Variants in ADGRV1 observed in about 807,000 individuals in gnomAD.
The protein encoded by ADGRV1 is adhesion G protein-coupled receptor V1.
ADGRV1 carries 359 observed loss-of-function variants against 596.2 expected under a neutral mutation model. The observed-to-expected ratio is 0.60, with a 90% CI of 0.55 to 0.66. The LOEUF is 0.66. Ranked by LOEUF, ADGRV1 falls within the 30% of genes least tolerant of loss-of-function variation. The probability of loss-of-function intolerance (pLI) is 0.00; values close to 1 mark genes in which losing one functional copy is unlikely to be tolerated. For missense variants in ADGRV1, 7,274 were observed against 7,575.6 expected (o/e 0.96, Z 1.48); for synonymous variants, 2,681 against 2,679.2 (o/e 1.00, Z -0.02).
At chr5:90,945,280 A>G (rs1776477923) in intron 83 of ADGRV1, among the ~76,000 whole-genome samples, 1 of 151,912 alleles carries the variant, frequency 6.6e-6, no homozygotes, top group African/African-American at 2.4e-5. Flanking sequence ...TTAATATTCT[A>G]AACTGGTTAC....
chr5:91,061,862 A>G (rs1262276670), intron 85 of ADGRV1, among the ~76,000 whole-genome samples: 1 of 152,254 alleles, frequency 6.6e-6, no homozygotes, highest in Non-Finnish European at 1.5e-5. Flanking sequence ...TGTTGTTTAA[A>G]GAATAGTTGT....
At chr5:91,091,708 C>T (rs1250243535) in intron 86 of ADGRV1, 1 of 152,002 alleles carries the variant, frequency 6.6e-6, no homozygotes, top group Non-Finnish European at 1.5e-5. Flanking sequence ...GTGTAGATTT[C>T]AGTTTTAGTT....
chr5:91,004,816 G>C (rs369568857), intron 85 of ADGRV1, among the ~76,000 whole-genome samples: 97 of 152,264 alleles, frequency 6.4e-4, no homozygotes, highest in African/African-American at 2.2e-3. Flanking sequence ...GAGGGTCACA[G>C]ATAGAAGCGA....
chr5:90,693,359 T>G (rs1746736274), intron 32 of ADGRV1, among the ~76,000 whole-genome samples: 1 of 152,162 alleles, frequency 6.6e-6, no homozygotes, highest in Non-Finnish European at 1.5e-5. Context: ...ATACTTTAAA[T>G]CATCTCTAGA....
chr5:91,021,610 C>G (rs2151188294), intron 85 of ADGRV1, among the ~76,000 whole-genome samples: 1 of 152,198 alleles, frequency 6.6e-6, no homozygotes, highest in South Asian at 2.1e-4. Flanking sequence ...CCTGTCCCAT[C>G]TCATCAGCTT....
chr5:90,965,290 A>G (rs2150967259), intron 83 of ADGRV1, 125 bp from the exon 84 acceptor site: 2 of 651,516 alleles, frequency 3.1e-6, no homozygotes, highest in East Asian at 2.8e-5. Flanking sequence ...AGTTTGGGCA[A>G]GAAGTCAACT....
chr5:90,661,034 A>G (rs4916812), intron 21 of ADGRV1, among the ~76,000 whole-genome samples: 55,242 of 151,764 alleles, frequency 0.36, 10,225 homozygotes, highest in Admixed American at 0.5. Flanking sequence ...GGCATGCCAA[A>G]TAGTGCTTTG....
At chr5:91,072,977 C>T (rs1481897207) in intron 86 of ADGRV1, among the ~76,000 whole-genome samples, 1 of 152,188 alleles carries the variant, frequency 6.6e-6, no homozygotes, top group Admixed American at 6.5e-5. Context: ...TAACAAACCT[C>T]CGCAGTGCTC....
intron 1 of ADGRV1, among the ~76,000 whole-genome samples, chr5:90,559,602 A>G (rs976998041): frequency 1.3e-5 from 2 of 152,306 alleles, no homozygotes; most frequent in South Asian, 2.1e-4. Context: ...AACTTATCCT[A>G]TGTAACTTGT....
chr5:90,580,540 A>ACATATGAAG (rs200391944), intron 1 of ADGRV1, among the ~76,000 whole-genome samples: 13,518 of 149,706 alleles, frequency 0.09, 1,877 homozygotes, highest in African/African-American at 0.31. Flanking sequence ...TTTCTCCTTC[A>ACATATGAAG]CTTAGTTTGG....
intron 59 of ADGRV1, among the ~76,000 whole-genome samples, chr5:90,764,490 G>A (rs1219835726): frequency 6.6e-6 from 1 of 152,232 alleles, no homozygotes; most frequent in Non-Finnish European, 1.5e-5. Context: ...AACCACAGCT[G>A]TGTCTGCAAC....
chr5:90,808,419 G>T (rs10037227), intron 73 of ADGRV1, among the ~76,000 whole-genome samples: 207 of 152,272 alleles, frequency 1.4e-3, no homozygotes, highest in Non-Finnish European at 2.3e-3. Context: ...AAATTTTGGG[G>T]TATGAAAACT....
At chr5:90,652,308 A>G in intron 18 of ADGRV1, 38 bp from the exon 19 acceptor site, 1 of 1,417,938 alleles carries the variant, frequency 7.1e-7, no homozygotes, top group Non-Finnish European at 9.7e-7. Context: ...TTAGAGTAAG[A>G]TTCACTACTT....
At chr5:90,742,577 G>A (rs2149895719) in intron 50 of ADGRV1, among the ~76,000 whole-genome samples, 1 of 152,230 alleles carries the variant, frequency 6.6e-6, no homozygotes, top group East Asian at 1.9e-4. Flanking sequence ...GTGATGGGGA[G>A]GTGGAGATAG....
intron 20 of ADGRV1, among the ~76,000 whole-genome samples, chr5:90,657,456 A>G (rs1037036874): frequency 6.6e-6 from 1 of 152,066 alleles, no homozygotes; most frequent in African/African-American, 2.4e-5. Context: ...ACATAAATAA[A>G]TAAATACATA....
At chr5:90,817,422 A>T (rs1176456114) in intron 75 of ADGRV1, among the ~76,000 whole-genome samples, 1 of 150,708 alleles carries the variant, frequency 6.6e-6, no homozygotes, top group Non-Finnish European at 1.5e-5. Context: ...GTTTAATTAG[A>T]TCCCATTTGT....
chr5:91,018,331 T>C (rs1172682409), intron 85 of ADGRV1, among the ~76,000 whole-genome samples: 1 of 152,002 alleles, frequency 6.6e-6, no homozygotes, highest in East Asian at 1.9e-4. Context: ...TTCCTTCTGC[T>C]GTCCCGGGAC....
At chr5:90,999,228 A>G (rs1781664950) in intron 85 of ADGRV1, among the ~76,000 whole-genome samples, 1 of 152,014 alleles carries the variant, frequency 6.6e-6, no homozygotes, top group East Asian at 1.9e-4. Flanking sequence ...AAGGAAATTT[A>G]CATCTTAATA....
chr5:90,610,720 G>A, intron 1 of ADGRV1, among the ~76,000 whole-genome samples: 1 of 152,056 alleles, frequency 6.6e-6, no homozygotes, highest in Non-Finnish European at 1.5e-5. Flanking sequence ...ACTGGAGATT[G>A]GCGGATAAAT....
Sources: allele counts gnomAD v4.1 joint callset (sites outside exome capture counted in the v4.1 genomes callset), GRCh38; gene constraint gnomAD v4.1.1; transcripts MANE v1.5; gene names NCBI Gene and HGNC (gene_info 2026-07-23, HGNC 2026-07-21).